Variants in IL4I1 observed in about 807,000 individuals in gnomAD.
IL4I1 encodes the protein interleukin 4 induced 1.
A neutral mutation model predicts 29.7 loss-of-function variants in IL4I1; 24 were observed. The observed-to-expected ratio is 0.81, with a 90% CI of 0.59 to 1.14. The LOEUF (loss-of-function observed/expected upper bound fraction) is 1.14, where lower values mean the gene tolerates loss of function less well. Ranked by LOEUF, IL4I1 falls within the 50% of genes most tolerant of loss-of-function variation. The pLI, the probability that IL4I1 is intolerant of heterozygous loss-of-function variation, is 0.00. For synonymous variants in IL4I1, 371 were observed against 352.5 expected, an observed-to-expected ratio of 1.05 and a Z score of -0.59; for missense variants, 686 against 785.6, an observed-to-expected ratio of 0.87 and a Z score of 1.52.
chr19:49,914,726 G>GTTTTTTTTTTTTTTTTTTT lies in IL4I1; in HGVS notation c.-227-10424_-227-10406dup, dbSNP rs530372497. Among the ~76,000 whole-genome samples the GTTTTTTTTTTTTTTTTTTT allele has an allele frequency of 8.9e-5, 5 of 56,404 alleles. 1 individual carries two copies. Among genetic ancestry groups the GTTTTTTTTTTTTTTTTTTT allele is most frequent in the Admixed American group, 8.4e-4 (3 of 3,586 alleles). 37.0% of individuals were successfully genotyped at this position (56,404 alleles called of 152,430 possible). ...GATTCTTGTGCCACTCCAAGTCCCA[G>GTTTTTTTTTTTTTTTTTTT]TTTTTTTTTTTTTTTTTTTTTTTTT... On this transcript the variant is annotated intron_variant, in intron 2 of 9. Transcript: ENST00000341114.
intron 2 of IL4I1, among the ~76,000 whole-genome samples, chr19:49,926,265 A>AT (rs2075886665): frequency 6.8e-6 from 1 of 148,058 alleles, no homozygotes; most frequent in Admixed American, 6.8e-5. Flanking sequence ...GTGGTGGCTC[A>AT]TGCCTGTAAA....
chr19:49,915,397 G>C (rs917705373), intron 2 of IL4I1, among the ~76,000 whole-genome samples: 2 of 152,192 alleles, frequency 1.3e-5, no homozygotes, highest in Non-Finnish European at 2.9e-5. Flanking sequence ...TTGAAGATGA[G>C]GGGGCCACAA....
rs199648353 is a variant in IL4I1, at chr19:49,890,105, C to T, written c.1269G>A (p.Val423=). The change falls in exon 8 of 8, where the codon GTG becomes GTA. Residue 423 remains valine (V), a synonymous_variant. Coordinates refer to ENST00000391826, the MANE Select transcript of IL4I1 (RefSeq NM_152899.2). The part of the protein sequence containing the change: ...EEALRLALDD[V]AALHGPVVRQ... ...GCACGACAGGCCCGTGCAATGCCGC[C>T]ACGTCGTCGAGCGCCAAGCGCAACG... 2.6e-6 allele frequency: 4 copies of T among 1,544,556 alleles called. No homozygotes were observed. The highest frequency in any genetic ancestry group is 4.9e-5 in the East Asian group (2 of 40,836).
chr19:49,901,935 C>T, intron 3 of IL4I1: 1 of 377,138 alleles, frequency 2.7e-6, no homozygotes, highest in Non-Finnish European at 4.8e-6. Flanking sequence ...TTCACACAGC[C>T]CTTGTCTCAC....
In IL4I1 at chr19:49,909,435, T is replaced by A. The variant is rs757619226; in HGVS notation, c.-227-5114A>T. The A allele has an allele frequency of 5.6e-6, 9 of 1,613,984 alleles. No homozygotes were observed. Among genetic ancestry groups the A allele is most frequent in the Non-Finnish European group, 5.9e-6 (7 of 1,180,004 alleles). On this transcript the variant is annotated intron_variant, in intron 2 of 9. Transcript: ENST00000341114. ...TGGCTGGAGGTGACGGTGCTCGATATGGCATTAGTGAGGTTGCTGCTGCCC... is the reference window on the plus strand; with the variant it reads ...TGGCTGGAGGTGACGGTGCTCGATAAGGCATTAGTGAGGTTGCTGCTGCCC...
Position 49,921,614 on chromosome 19 carries a change from C to A in IL4I1, c.-228+6080G>T, listed in dbSNP as rs2075767193. On this transcript the variant is annotated intron_variant, in intron 2 of 9. Coordinates refer to the IL4I1 transcript ENST00000341114. This position sits in a 1 kb window ranked among gnomAD's most constrained non-coding sequence, Gnocchi z 5.4. ...AGAGGGCAAAGGAGTCTGCATCAAA[C>A]TGGGCTAAGGCCTGGCGCTCTGATG... is the stretch of plus-strand genomic sequence containing the variant. 6.6e-6 allele frequency among the ~76,000 whole-genome samples: 1 copy of A among 152,248 alleles called. No homozygotes were observed. Among genetic ancestry groups the A allele is most frequent in the African/African-American group, 2.4e-5 (1 of 41,466 alleles).
Position 49,894,253 on chromosome 19 carries a change from G to A in IL4I1, c.567+15C>T. The A allele has an allele frequency of 6.2e-7, 1 of 1,608,232 alleles. No individual in the cohort carries two copies. ...AGAGAAGTCAGGGCGGGAGGAGGGT[G>A]CAGGCGGTACCCACCTGGTTGAGAG... is the stretch of plus-strand genomic sequence containing the variant. On this transcript the variant is annotated intron_variant, in intron 5 of 7. Transcript: ENST00000391826.
rs372225780 is a variant in IL4I1, at chr19:49,921,866, C to G, written c.-228+5828G>C. ...TAGGAACCACATATCCTGGGCCAGA[C>G]GAATGCAGGAGCTGCCTCCTCTGGA... On this transcript the variant is annotated intron_variant, in intron 2 of 9. Coordinates refer to the IL4I1 transcript ENST00000341114. This position sits in a 1 kb window ranked among gnomAD's most constrained non-coding sequence, Gnocchi z 5.4. Among the ~76,000 whole-genome samples the G allele has an allele frequency of 3.9e-5, 6 of 152,184 alleles. No homozygotes were observed. The South Asian group carries it at 1.2e-3, about 32-fold the overall frequency.
At chr19:49,916,632 T>C (rs1272904764) in intron 2 of IL4I1, among the ~76,000 whole-genome samples, 1 of 151,246 alleles carries the variant, frequency 6.6e-6, no homozygotes, top group Non-Finnish European at 1.5e-5. Flanking sequence ...GGCGTGGTGG[T>C]GGGTGCCCGT....
Position 49,890,406 on chromosome 19 carries a change from C to T in IL4I1, c.968G>A (p.Ser323Asn). 1 of 1,608,138 alleles carries T rather than the reference C, an allele frequency of 6.2e-7. No homozygotes were observed. The highest frequency in any genetic ancestry group is 8.5e-7 in the Non-Finnish European group (1 of 1,178,694). The change falls in exon 8 of 8, where the codon AGC becomes AAC. Residue 323 changes from serine (S) to asparagine (N), a missense_variant. Physicochemically the swap from Ser to Asn is conservative, Grantham distance 46. Coordinates refer to ENST00000391826, the MANE Select transcript of IL4I1 (RefSeq NM_152899.2). ...LKADVVLLTA[S>N]GPAVKRITFS... The stretch of plus-strand genomic sequence containing the variant: ...GGTGATGCGCTTCACCGCCGGTCCG[C>T]TCGCCGTCAGCAGCACCACGTCGGC...
In IL4I1 at chr19:49,895,884, C is replaced by T. The variant is rs772408597; in HGVS notation, c.183G>A (p.Arg61=). 23 of 1,614,118 alleles carry T rather than the reference C, an allele frequency of 1.4e-5. No homozygotes were observed. Among genetic ancestry groups the T allele is most frequent in the Non-Finnish European group, 1.8e-5 (21 of 1,180,058 alleles). Residue 61 remains arginine, a synonymous_variant, in exon 3 of 8, where the codon AGG becomes AGA. Transcript: ENST00000391826. ...CCACACCAGCGCCAACCACAATCAC[C>T]CTCTGGGGCTTCAGGGTCCGATTGA... The part of the protein sequence containing the change: ...WGLNRTLKPQ[R]VIVVGAGVAG...
chr19:49,891,569 G>A, intron 5 of IL4I1, 96 bp from the exon 6 acceptor site: 1 of 1,085,846 alleles, frequency 9.2e-7, no homozygotes, highest in Non-Finnish European at 1.4e-6. Flanking sequence ...TCGTGGTTCT[G>A]CCCACGGCTG....
chr19:49,909,608 G>C, intron 2 of IL4I1: 1 of 1,613,400 alleles, frequency 6.2e-7, no homozygotes, highest in Non-Finnish European at 8.5e-7. Context: ...CTGTGTGGCC[G>C]GAGTCTGGGT....
rs1412169243 is a variant in IL4I1, at chr19:49,891,489, CA to C, written c.568-17del. 1 of 1,613,534 alleles carries C rather than the reference CA, an allele frequency of 6.2e-7. No homozygotes were observed. Among genetic ancestry groups the C allele is most frequent in the South Asian group, 1.1e-5 (1 of 91,074 alleles). On this transcript the variant is annotated splice_polypyrimidine_tract_variant and intron_variant, in intron 5 of 7. Coordinates refer to ENST00000391826, the MANE Select transcript of IL4I1 (RefSeq NM_152899.2). ...CTTTGAGGGCCTGTTGTGGAAGAAG[CA>C]GACATGGTGCTGAGCTGCCCGGGCA...
upstream of IL4I1, chr19:49,901,817 G>A (rs1289765265): frequency 3.7e-6 from 3 of 809,404 alleles, no homozygotes; most frequent in Non-Finnish European, 5.5e-6. Context: ...AGAGCAGCTG[G>A]GAGGCTGTGA....
chr19:49,894,552 G>C (rs2075180883), intron 4 of IL4I1, 83 bp from the exon 5 acceptor site: 4 of 960,390 alleles, frequency 4.2e-6, no homozygotes, highest in Non-Finnish European at 6.4e-6. Flanking sequence ...AGAGGGGTGG[G>C]AGGGGAGAGT....
intron 6 of IL4I1, 134 bp downstream of exon 6, chr19:49,891,271 G>C (rs943225854): frequency 1.4e-6 from 2 of 1,405,760 alleles, no homozygotes; most frequent in African/African-American, 1.4e-5. Flanking sequence ...CAGGGGGCGT[G>C]TCCAGCCCCC....
At chr19:49,924,366 T>C (rs2075833809) in intron 2 of IL4I1, among the ~76,000 whole-genome samples, 2 of 152,236 alleles carry the variant, frequency 1.3e-5, no homozygotes, top group African/African-American at 4.8e-5. Context: ...ACCCCTACTC[T>C]TGCTGTGCGG....
intron 2 of IL4I1, chr19:49,909,275 T>C: frequency 6.2e-7 from 1 of 1,614,048 alleles, no homozygotes; most frequent in Non-Finnish European, 8.5e-7. Flanking sequence ...CTGGGCTGAA[T>C]TCCCTGCTGA....
Sources: gnomAD v4.1 joint callset for allele counts (sites outside exome capture counted in the v4.1 genomes callset) on GRCh38, gnomAD v4.1.1 for gene constraint, Gnocchi (gnomAD v3.1) non-coding constraint, MANE v1.5 for transcripts, NCBI Gene and HGNC (gene_info 2026-07-23, HGNC 2026-07-21) for gene names.